Variants in CD1B observed in about 807,000 individuals in gnomAD.
CD1B encodes T-cell surface glycoprotein CD1b.
CD1B carries 43 observed loss-of-function variants against 39.8 expected under a neutral mutation model. The ratio of observed to expected loss-of-function variants is 1.08; its 90% CI spans 0.85 to 1.39. The LOEUF is 1.39. Among genes scored for constraint, CD1B ranks in the 40% most tolerant of loss-of-function variants. The pLI is 0.00. For synonymous variants in CD1B, 192 were observed against 152.5 expected, an observed-to-expected ratio of 1.26 and a Z score of -1.91; for missense variants, 495 against 403.8, an observed-to-expected ratio of 1.23 and a Z score of -1.94.
the CD1B span, among the ~76,000 whole-genome samples, chr1:158,304,861 C>A: frequency 6.6e-6 from 1 of 152,206 alleles, no homozygotes; most frequent in Admixed American, 6.5e-5. Flanking sequence ...CTCCAACAGA[C>A]CTGCTGCTGA....
downstream of CD1B, among the ~76,000 whole-genome samples, chr1:158,324,371 T>C (rs2317883): frequency 0.29 from 44,219 of 152,004 alleles, 6,804 homozygotes; most frequent in African/African-American, 0.4. Context: ...GAGACTTTTG[T>C]CTGTGGATGA....
the CD1B span, among the ~76,000 whole-genome samples, chr1:158,321,720 A>T: frequency 6.6e-6 from 1 of 152,142 alleles, no homozygotes; most frequent in Non-Finnish European, 1.5e-5. Flanking sequence ...TTTGAAATAC[A>T]TATTTTGTTT....
At chr1:158,289,861 C>T in the CD1B span, 1 of 526,124 alleles carries the variant, frequency 1.9e-6, no homozygotes. Flanking sequence ...AAGAGAATAA[C>T]TTTAGTTCAG....
the CD1B span, chr1:158,291,102 C>G: frequency 2.7e-6 from 4 of 1,476,776 alleles, no homozygotes; most frequent in Admixed American, 8.6e-5. Flanking sequence ...TTTTTTTTTT[C>G]CTTACACTAC....
chr1:158,316,124 T>C, the CD1B span, among the ~76,000 whole-genome samples: 1 of 151,990 alleles, frequency 6.6e-6, no homozygotes, highest in Non-Finnish European at 1.5e-5. Context: ...TGGCTTACGA[T>C]TGACTTGGCA....
chr1:158,307,776 A>C, the CD1B span, among the ~76,000 whole-genome samples: 1 of 151,892 alleles, frequency 6.6e-6, no homozygotes, highest in Non-Finnish European at 1.5e-5. Flanking sequence ...CTTTGACAAA[A>C]TTCAACAACC....
the CD1B span, among the ~76,000 whole-genome samples, chr1:158,306,101 T>C: frequency 6.6e-6 from 1 of 152,162 alleles, no homozygotes; most frequent in Non-Finnish European, 1.5e-5. Context: ...TAAATGTAAA[T>C]GGGCTAAATG....
At chr1:158,295,529 G>A in the CD1B span, among the ~76,000 whole-genome samples, 2 of 152,176 alleles carry the variant, frequency 1.3e-5, no homozygotes, top group Admixed American at 6.5e-5. Context: ...AGAGGGTTTG[G>A]TGTGAGAACA....
chr1:158,324,305 C>T (rs1360119248), downstream of CD1B, among the ~76,000 whole-genome samples: 9 of 152,240 alleles, frequency 5.9e-5, no homozygotes, highest in African/African-American at 2.2e-4. Context: ...CTACCTAGGG[C>T]CTTGATTCCA....
At chr1:158,317,446 G>T in the CD1B span, among the ~76,000 whole-genome samples, 1 of 152,164 alleles carries the variant, frequency 6.6e-6, no homozygotes, top group Non-Finnish European at 1.5e-5. Flanking sequence ...TAGTTTATTT[G>T]CGTAGAGGTG....
chr1:158,331,495 A>C lies in CD1B; in HGVS notation c.-72T>G. ...TCCAATTTCAGCAAAGCTTTTCCTC[A>C]GTACCCTGTAGTGACTTCTTCTCTC... On this transcript the variant is annotated 5_prime_UTR_variant, in exon 1 of 6. Transcript: ENST00000368168. 1.7e-6 allele frequency: 2 copies of C among 1,193,090 alleles called. No homozygotes were observed. Among genetic ancestry groups the C allele is most frequent in the Non-Finnish European group, 2.5e-6 (2 of 808,656 alleles). 73.9% of individuals were successfully genotyped at this position (1,193,090 alleles called of 1,614,324 possible).
the CD1B span, chr1:158,292,454 G>T: frequency 1.3e-6 from 2 of 1,506,740 alleles, no homozygotes; most frequent in Non-Finnish European, 1.8e-6. Context: ...ACAAGAAAGA[G>T]GACAAGAAGC....
In CD1B at chr1:158,331,043, G is replaced by A. The variant is rs1338128331; in HGVS notation, c.81C>T (p.Ser27=). 1.9e-6 allele frequency: 3 copies of A among 1,612,606 alleles called. No individual in the cohort carries two copies. The highest frequency in any genetic ancestry group is 1.3e-5 in the African/African-American group (1 of 74,888). ...AGGACGAGGTCTGGATAACATGAAAGGAGGTCGGCCCCTGGAAGGCTGTGA... is the reference window on the plus strand; with the variant it reads ...AGGACGAGGTCTGGATAACATGAAAAGAGGTCGGCCCCTGGAAGGCTGTGA... ...NSEHAFQGPT[S]FHVIQTSSFT... The change falls in exon 2 of 6, where the codon TCC becomes TCT. Residue 27 remains serine, a synonymous_variant. Coordinates refer to ENST00000368168, the MANE Select transcript of CD1B (RefSeq NM_001764.3).
At chr1:158,306,440 G>C in the CD1B span, among the ~76,000 whole-genome samples, 1 of 152,150 alleles carries the variant, frequency 6.6e-6, no homozygotes, top group Admixed American at 6.5e-5. Context: ...CAAGTGATTA[G>C]AGGCCTAGAA....
chr1:158,315,217 C>G, the CD1B span, among the ~76,000 whole-genome samples: 1 of 152,134 alleles, frequency 6.6e-6, no homozygotes, highest in Non-Finnish European at 1.5e-5. Flanking sequence ...TTCTAGATCC[C>G]TGAGGAATCG....
At chr1:158,298,324 TTAGA>T in the CD1B span, among the ~76,000 whole-genome samples, 1 of 152,160 alleles carries the variant, frequency 6.6e-6, no homozygotes, top group Non-Finnish European at 1.5e-5. Flanking sequence ...ACTGACAGCA[TTAGA>T]TAGATCATCA....
chr1:158,292,738 T>C, the CD1B span: 1 of 1,614,110 alleles, frequency 6.2e-7, no homozygotes, highest in Non-Finnish European at 8.5e-7. Flanking sequence ...GCACTAAACA[T>C]GGTGATATTC....
the CD1B span, chr1:158,293,516 G>A: frequency 6.2e-7 from 1 of 1,614,002 alleles, no homozygotes; most frequent in South Asian, 1.1e-5. Flanking sequence ...TAAGAACCCA[G>A]CAACCCAGGA....
the CD1B span, among the ~76,000 whole-genome samples, chr1:158,318,916 C>T: frequency 1.3e-5 from 2 of 152,142 alleles, no homozygotes; most frequent in South Asian, 4.1e-4. Flanking sequence ...TTCTCCTTCA[C>T]TTATGAAGCT....
Sources: allele counts gnomAD v4.1 joint callset (sites outside exome capture counted in the v4.1 genomes callset), GRCh38; gene constraint gnomAD v4.1.1; transcripts MANE v1.5; gene names NCBI Gene and HGNC (gene_info 2026-07-23, HGNC 2026-07-21).